The following ZNFX1 variants were observed in gnomAD, a reference collection of about 807,000 sequenced individuals.
ZNFX1 encodes the protein zinc finger NFX1-type containing 1.
Under a neutral mutation model 179.8 loss-of-function variants are expected in ZNFX1, and 78 were observed. That is an observed-to-expected ratio of 0.43 (90% CI 0.36 to 0.52). The LOEUF is 0.52. ZNFX1 is among the 20% of genes least tolerant of loss of function. The pLI, the probability that ZNFX1 is intolerant of heterozygous loss-of-function variation, is 0.00. For missense variants in ZNFX1, 1,927 were observed against 2,386.6 expected (o/e 0.81, Z 4.01); for synonymous variants, 848 against 868.5 (o/e 0.98, Z 0.42).
chr20:49,270,568 C>G lies in ZNFX1; in HGVS notation c.1244G>C (p.Arg415Thr). The change falls in exon 3 of 14, where the codon AGG (arginine) becomes ACG (threonine). Residue 415 changes from arginine to threonine, a missense_variant. Physicochemically the swap from Arg to Thr is moderately conservative, Grantham distance 71 (BLOSUM62 -1). Coordinates refer to ENST00000396105, the MANE Select transcript of ZNFX1 (RefSeq NM_021035.3). This position sits in a 1 kb window ranked among gnomAD's most constrained non-coding sequence, Gnocchi z 4.6. Reference sequence around the variant, plus strand: ...TGATGAACACATGGGGGTGATAATCCTGGTGTCAAAGTAGATTCGGATGTC... The same window carrying G: ...TGATGAACACATGGGGGTGATAATCGTGGTGTCAAAGTAGATTCGGATGTC... The part of the protein sequence containing the change: ...FDDIRIYFDT[R>T]IITPMCSSSG... The G allele has an allele frequency of 6.2e-7, 1 of 1,614,174 alleles. No individual in the cohort carries two copies. The highest frequency in any genetic ancestry group is 1.3e-5 in the African/African-American group (1 of 75,036).
In ZNFX1 at chr20:49,249,501, T is replaced by C. The variant is rs1980783381; in HGVS notation, c.3523A>G (p.Thr1175Ala). ...ACATGGACCCTGACGCCAGCAAATGTCTTGGCAGGCATCAGTTTGCGCAGG... is the reference window on the plus strand; with the variant it reads ...ACATGGACCCTGACGCCAGCAAATGCCTTGGCAGGCATCAGTTTGCGCAGG... Reference protein sequence around the residue: ...FCLRKLMPAKTFAGVRVHVVD... With the variant: ...FCLRKLMPAKAFAGVRVHVVD... The change falls in exon 14 of 14, where the codon ACA (threonine) becomes GCA (alanine). Residue 1175 changes from threonine to alanine, a missense_variant. Transcript: ENST00000396105. 6.2e-7 allele frequency: 1 copy of C among 1,614,118 alleles called. No homozygotes were observed. The highest frequency in any genetic ancestry group is 8.5e-7 in the Non-Finnish European group (1 of 1,180,050).
chr20:49,276,670 G>A (rs1343155069), intron 1 of ZNFX1, among the ~76,000 whole-genome samples: 1 of 152,222 alleles, frequency 6.6e-6, no homozygotes, highest in Non-Finnish European at 1.5e-5. Flanking sequence ...CTGGGGCTAA[G>A]GAAAGAGTGG....
At chr20:49,253,019 G>A (rs907433828) in intron 11 of ZNFX1, among the ~76,000 whole-genome samples, 189 bp from the exon 12 acceptor site, 1 of 152,060 alleles carries the variant, frequency 6.6e-6, no homozygotes, top group African/African-American at 2.4e-5. Context: ...AAGGTGATAT[G>A]ACAGAGTGCC....
In ZNFX1 at chr20:49,257,572, C is replaced by G. The variant is rs771485024; in HGVS notation, c.2509G>C (p.Val837Leu). ...EEADLIQADRVIEEEEVVRPQ... is the reference protein window; with the variant it reads ...EEADLIQADRLIEEEEVVRPQ... ...CTCACCACCTCTTCCTCCTCAATCA[C>G]CCGGTCTGCTTGAATCAGGTCAGCT... is the stretch of plus-strand genomic sequence containing the variant. Residue 837 changes from valine to leucine, a missense_variant, in exon 8 of 14, where the codon GTG (valine) becomes CTG (leucine). Val to Leu is a conservative substitution (Grantham distance 32). Transcript: ENST00000396105. 2 of 1,614,048 alleles carry G rather than the reference C, an allele frequency of 1.2e-6. No homozygotes were observed. Among genetic ancestry groups the G allele is most frequent in the African/African-American group, 2.7e-5 (2 of 75,002 alleles).
rs781054008 is a variant in ZNFX1 at position 49,257,540 on chromosome 20, C to G, written c.2541G>C (p.Gln847His). ...CTCCACTCTCTTCCTTCTTCCGCCGCTGGGGCCTCACCACCTCTTCCTCCT... is the reference window on the plus strand; with the variant it reads ...CTCCACTCTCTTCCTTCTTCCGCCGGTGGGGCCTCACCACCTCTTCCTCCT... ...VIEEEEVVRP[Q>H]RRKKEESGAD... The change falls in exon 8 of 14, where the codon CAG becomes CAC. Residue 847 changes from glutamine (Q) to histidine (H), a missense_variant. By Grantham distance (24) the Gln-to-His change is conservative. Coordinates refer to ENST00000396105, the MANE Select transcript of ZNFX1 (RefSeq NM_021035.3). 1.2e-6 allele frequency: 2 copies of G among 1,613,830 alleles called. No homozygotes were observed. The highest frequency in any genetic ancestry group is 1.7e-6 in the Non-Finnish European group (2 of 1,180,016).
chr20:49,273,551 GAAGA>G (rs374822630), intron 2 of ZNFX1, among the ~76,000 whole-genome samples: 1 of 152,238 alleles, frequency 6.6e-6, no homozygotes, highest in African/African-American at 2.4e-5. Flanking sequence ...TCCAAAATCA[GAAGA>G]AAGTACTACT....
At chr20:49,259,472 A>G (rs748113646) in intron 7 of ZNFX1, among the ~76,000 whole-genome samples, 37 of 151,402 alleles carry the variant, frequency 2.4e-4, no homozygotes, top group Admixed American at 4.0e-4. Flanking sequence ...CTCAGGCTGT[A>G]GTGCAGCATT....
In ZNFX1 at chr20:49,263,406, G is replaced by A. The variant is rs766122709; in HGVS notation, c.2229C>T (p.Val743=). Residue 743 remains valine (V), a synonymous_variant, in exon 6 of 14, where the codon GTC becomes GTT. Coordinates refer to ENST00000396105, the MANE Select transcript of ZNFX1 (RefSeq NM_021035.3). ...ACTTCTGCAGGTACTGTTCCCGTAG[G>A]ACACCACGCATGGTGCACTCCAGGG... is the stretch of plus-strand genomic sequence containing the variant. ...AKTLECTMRG[V]LREQYLQKYI... 6.2e-6 allele frequency: 10 copies of A among 1,613,720 alleles called. No homozygotes were observed. The highest frequency in any genetic ancestry group is 8.5e-6 in the Non-Finnish European group (10 of 1,179,866).
chr20:49,271,239 A>C lies in ZNFX1; in HGVS notation c.573T>G (p.Leu191=), dbSNP rs776995093. The change falls in exon 3 of 14, where the codon CTT becomes CTG. Residue 191 remains leucine, a synonymous_variant. Coordinates refer to ENST00000396105, the MANE Select transcript of ZNFX1 (RefSeq NM_021035.3). Reference sequence around the variant, plus strand: ...CCATTTTGGAGCTACAAGCCTTCCGAAGAACCTGACAGATGAGCTCAAGGA... The same window carrying C: ...CCATTTTGGAGCTACAAGCCTTCCGCAGAACCTGACAGATGAGCTCAAGGA... ...SNFLELICQV[L]RKACSSKMDR... 1.9e-6 allele frequency: 3 copies of C among 1,614,072 alleles called. No individual in the cohort carries two copies. Among genetic ancestry groups the C allele is most frequent in the Middle Eastern group, 1.6e-4 (1 of 6,084 alleles).
chr20:49,274,065 G>C (rs1338325993), intron 2 of ZNFX1, among the ~76,000 whole-genome samples: 5 of 152,240 alleles, frequency 3.3e-5, no homozygotes, highest in Admixed American at 3.3e-4. Flanking sequence ...TTTAGTTTTA[G>C]AAAGTGCTGA....
intron 5 of ZNFX1, among the ~76,000 whole-genome samples, chr20:49,264,388 A>T (rs1338692667): frequency 6.6e-6 from 1 of 152,148 alleles, no homozygotes; most frequent in Non-Finnish European, 1.5e-5. Flanking sequence ...AAGAACTCAG[A>T]TTTTTGACTG....
chr20:49,262,762 G>T (rs1168547781), intron 6 of ZNFX1, among the ~76,000 whole-genome samples: 1 of 152,158 alleles, frequency 6.6e-6, no homozygotes, highest in East Asian at 1.9e-4. Context: ...TTGAAGGTAG[G>T]CATTATTATT....
At chr20:49,254,863 C>A (rs1291167208) in intron 9 of ZNFX1, among the ~76,000 whole-genome samples, 1 of 152,076 alleles carries the variant, frequency 6.6e-6, no homozygotes, top group East Asian at 1.9e-4. Flanking sequence ...AGATAAAGAA[C>A]AAAGGTTAAC....
chr20:49,251,542 C>G lies in ZNFX1; in HGVS notation c.3297G>C (p.Lys1099Asn). ...ACAGACTCACCTTAATCTTCTCATA[C>G]TTAAGAACAGATGGATGATTCTCCA... ...QDLENHPSVL[K>N]YEKIKGVSSN... The change falls in exon 13 of 14, where the codon AAG becomes AAC. Residue 1099 changes from lysine (K) to asparagine (N), a missense_variant. Coordinates refer to ENST00000396105, the MANE Select transcript of ZNFX1 (RefSeq NM_021035.3). 2 of 1,612,278 alleles carry G rather than the reference C, an allele frequency of 1.2e-6. No individual in the cohort carries two copies. The highest frequency in any genetic ancestry group is 1.7e-6 in the Non-Finnish European group (2 of 1,179,008).
chr20:49,266,761 G>T (rs767783379), intron 3 of ZNFX1, among the ~76,000 whole-genome samples: 3 of 144,764 alleles, frequency 2.1e-5, no homozygotes, highest in African/African-American at 2.6e-5. Context: ...TGGCAAATTA[G>T]AAATACTTTT....
chr20:49,275,556 C>T (rs552490958), intron 2 of ZNFX1, among the ~76,000 whole-genome samples: 1 of 152,062 alleles, frequency 6.6e-6, no homozygotes, highest in African/African-American at 2.4e-5. Flanking sequence ...AGCCTATTGC[C>T]ATGTTGCCCA....
intron 6 of ZNFX1, among the ~76,000 whole-genome samples, chr20:49,262,508 A>C (rs1981139622): frequency 6.6e-6 from 1 of 152,078 alleles, no homozygotes; most frequent in Non-Finnish European, 1.5e-5. Context: ...TTTATTACTG[A>C]ATGGCAACAA....
rs1312051663 is a variant in ZNFX1, at chr20:49,248,913, A to C, written c.4111T>G (p.Cys1371Gly). 1 of 1,614,294 alleles carries C rather than the reference A, an allele frequency of 6.2e-7. No individual in the cohort carries two copies. The highest frequency in any genetic ancestry group is 1.7e-5 in the Admixed American group (1 of 60,036). The change falls in exon 14 of 14, where the codon TGC (cysteine) becomes GGC (glycine). Residue 1371 changes from cysteine (C) to glycine (G), a missense_variant. Cys to Gly is a radical substitution (Grantham distance 159, BLOSUM62 -3). Coordinates refer to ENST00000396105, the MANE Select transcript of ZNFX1 (RefSeq NM_021035.3). The surrounding 1 kb of genome is among the most constrained non-coding windows in gnomAD (Gnocchi z 4.6). Reference sequence around the variant, plus strand: ...GACTTGGAGCAAGGCTCCTGGCAGCAGAAATCTGACTCAGGCACGGAACAA... The same window carrying C: ...GACTTGGAGCAAGGCTCCTGGCAGCCGAAATCTGACTCAGGCACGGAACAA... ...VPCSVPESDF[C>G]CQEPCSKSLR...
At chr20:49,260,598 A>G (rs1465679659) in intron 6 of ZNFX1, 21 bp from the exon 7 acceptor site, 1 of 1,536,088 alleles carries the variant, frequency 6.5e-7, no homozygotes, top group Non-Finnish European at 8.9e-7. Context: ...AAGAATGATC[A>G]TTTGTGAGGA....
Sources: allele counts gnomAD v4.1 joint callset (sites outside exome capture counted in the v4.1 genomes callset), GRCh38; gene constraint gnomAD v4.1.1; non-coding constraint Gnocchi (gnomAD v3.1); transcripts MANE v1.5; gene names NCBI Gene and HGNC (gene_info 2026-07-23, HGNC 2026-07-21).